Variants in SCN10A observed in about 807,000 individuals in gnomAD.
SCN10A encodes the protein sodium voltage-gated channel alpha subunit 10.
Under a neutral mutation model 170.7 loss-of-function variants are expected in SCN10A, and 162 were observed. The observed-to-expected ratio is 0.95, with a 90% confidence interval of 0.84 to 1.08. The LOEUF (loss-of-function observed/expected upper bound fraction) is 1.08. Among genes scored for constraint, SCN10A ranks in the 50% least tolerant of loss-of-function variants. The pLI, the probability that SCN10A is intolerant of heterozygous loss-of-function variation, is 0.00. For missense variants in SCN10A, 2,527 were observed against 2,436.9 expected, an observed-to-expected ratio of 1.04 and a Z score of -0.78; for synonymous variants, 985 against 904.6, an observed-to-expected ratio of 1.09 and a Z score of -1.59.
chr3:38,782,918 G>A (rs529136771), intron 4 of SCN10A, among the ~76,000 whole-genome samples: 130 of 152,208 alleles, frequency 8.5e-4, no homozygotes, highest in African/African-American at 3.1e-3. Context: ...TAGACTGGGT[G>A]GCTTATGCAA....
intron 1 of SCN10A, among the ~76,000 whole-genome samples, chr3:38,803,748 T>C (rs1423910125): frequency 2.0e-5 from 3 of 152,044 alleles, no homozygotes; most frequent in African/African-American, 4.8e-5. Context: ...TGTATACATA[T>C]GTAACAAACC....
chr3:38,722,412 C>G lies in SCN10A; in HGVS notation c.3353G>C (p.Gly1118Ala), dbSNP rs868030985. The change falls in exon 20 of 28, where the codon GGA becomes GCA. Residue 1118 changes from glycine to alanine, a missense_variant and splice_region_variant. Transcript: ENST00000449082. ...GCAGCAGGGACAGTGGCGAATGCAT[C>G]CTGTGGGGAGAGGTGACTGATGGTG... is the stretch of plus-strand genomic sequence containing the variant. ...LEEPDDCFTE[G>A]CIRHCPCCKL... 1 of 1,613,048 alleles carries G rather than the reference C, an allele frequency of 6.2e-7. No individual in the cohort carries two copies. Among genetic ancestry groups the G allele is most frequent in the Non-Finnish European group, 8.5e-7 (1 of 1,179,526 alleles).
intron 1 of SCN10A, among the ~76,000 whole-genome samples, chr3:38,813,793 T>C (rs1490793528): frequency 6.6e-6 from 1 of 152,174 alleles, no homozygotes; most frequent in Non-Finnish European, 1.5e-5. Flanking sequence ...TAAGGACAAA[T>C]ATTAATAGTT....
intron 1 of SCN10A, among the ~76,000 whole-genome samples, chr3:38,795,245 C>T (rs775298771): frequency 9.2e-5 from 14 of 152,058 alleles, no homozygotes; most frequent in Admixed American, 5.2e-4. Context: ...CCTCCTATCT[C>T]ACTAAAATGC....
intron 5 of SCN10A, among the ~76,000 whole-genome samples, chr3:38,768,826 A>G (rs2063964635): frequency 6.6e-6 from 1 of 152,184 alleles, no homozygotes; most frequent in South Asian, 2.1e-4. Context: ...AGTTTTCCTC[A>G]ATTATTCCCT....
chr3:38,751,753 T>A (rs150729991), intron 12 of SCN10A, among the ~76,000 whole-genome samples: 129 of 152,326 alleles, frequency 8.5e-4, no homozygotes, highest in Middle Eastern at 3.4e-3. Flanking sequence ...CTTCTGTGAG[T>A]AAAGCAAGGA....
intron 15 of SCN10A, among the ~76,000 whole-genome samples, chr3:38,737,108 C>T (rs2063573416): frequency 6.7e-6 from 1 of 149,266 alleles, no homozygotes; most frequent in Non-Finnish European, 1.5e-5. Context: ...GTAGCTGGGA[C>T]TACAGGCGCC....
intron 1 of SCN10A, among the ~76,000 whole-genome samples, chr3:38,808,065 C>G (rs778493111): frequency 3.9e-5 from 6 of 152,162 alleles, no homozygotes; most frequent in Non-Finnish European, 2.9e-5. Context: ...TCACATTCAC[C>G]CCGTGTGAAT....
Position 38,809,943 on chromosome 3 carries a change from A to G in SCN10A, c.-33+6094T>C, listed in dbSNP as rs539758610. On this transcript the variant is annotated intron_variant, in intron 1 of 27. Coordinates refer to ENST00000449082, the MANE Select transcript of SCN10A (RefSeq NM_006514.4). ...TTAGAGAAGCTAGTGAAGGCTTCCTAGGAAGCTGTAGGTAGAGTGTTTTTA... is the reference window on the plus strand; with the variant it reads ...TTAGAGAAGCTAGTGAAGGCTTCCTGGGAAGCTGTAGGTAGAGTGTTTTTA... Among the ~76,000 whole-genome samples the G allele has an allele frequency of 3.3e-5, 5 of 152,292 alleles. No homozygotes were observed. The South Asian group carries it at 6.2e-4, about 19-fold the overall frequency.
intron 11 of SCN10A, among the ~76,000 whole-genome samples, chr3:38,755,340 C>CACTCTAGA (rs2063791912): frequency 6.6e-6 from 1 of 151,932 alleles, no homozygotes; most frequent in Non-Finnish European, 1.5e-5. Context: ...GGGAACCTTG[C>CACTCTAGA]ACTCTAGAAC....
chr3:38,697,615 G>A lies in SCN10A; in HGVS notation c.5605C>T (p.Arg1869Cys), dbSNP rs141648641. 5.3e-4 allele frequency: 859 copies of A among 1,614,112 alleles called. 9 individuals are homozygous for A. Among genetic ancestry groups the A allele is most frequent in the East Asian group, 1.5e-3 (66 of 44,874 alleles). Residue 1869 changes from arginine (R) to cysteine (C), a missense_variant, in exon 28 of 28, where the codon CGC (arginine) becomes TGC (cysteine). Arg to Cys is a radical substitution (Grantham distance 180, BLOSUM62 -3). Transcript: ENST00000449082. ...GGGGTGTTAGAGAGTGCCATGGAGCGGTGCAGCACATAGCTCCGATAGGCC... is the reference window on the plus strand; with the variant it reads ...GGGGTGTTAGAGAGTGCCATGGAGCAGTGCAGCACATAGCTCCGATAGGCC... ...QKAYRSYVLH[R>C]SMALSNTPCV...
chr3:38,736,484 A>G (rs1353978332), intron 15 of SCN10A, among the ~76,000 whole-genome samples: 1 of 151,902 alleles, frequency 6.6e-6, no homozygotes, highest in Non-Finnish European at 1.5e-5. Flanking sequence ...TCCTGAAAAT[A>G]AAGTCTATTA....
At chr3:38,771,997 A>G (rs1177464974) in intron 4 of SCN10A, among the ~76,000 whole-genome samples, 1 of 152,242 alleles carries the variant, frequency 6.6e-6, no homozygotes, top group Admixed American at 6.5e-5. Context: ...TACAGGAACC[A>G]GTTGAGCTTT....
chr3:38,726,595 A>G lies in SCN10A; in HGVS notation c.3087+11T>C. 1.3e-6 allele frequency: 2 copies of G among 1,559,236 alleles called. No homozygotes were observed. The highest frequency in any genetic ancestry group is 1.7e-6 in the Non-Finnish European group (2 of 1,145,504). ...CACTGCCTGTGGCTGTCCCTTGGGG[A>G]TAACTCTTACCTGTCCTTTGGGGAT... is the stretch of plus-strand genomic sequence containing the variant. On this transcript the variant is annotated intron_variant, in intron 17 of 27. Transcript: ENST00000449082.
chr3:38,698,573 A>G lies in SCN10A; in HGVS notation c.4658-11T>C, dbSNP rs1176365840. The G allele has an allele frequency of 6.2e-7, 1 of 1,608,214 alleles. No individual in the cohort carries two copies. Among genetic ancestry groups the G allele is most frequent in the Non-Finnish European group, 8.5e-7 (1 of 1,175,334 alleles). On this transcript the variant is annotated splice_polypyrimidine_tract_variant and intron_variant, in intron 27 of 27. Coordinates refer to ENST00000449082, the MANE Select transcript of SCN10A (RefSeq NM_006514.4). Reference sequence around the variant, plus strand: ...CAGAAAAAATCAGGCCTTTAAAAGAAGGAAGAAATTATCTAATTAGTATCT... The same window carrying G: ...CAGAAAAAATCAGGCCTTTAAAAGAGGGAAGAAATTATCTAATTAGTATCT...
At position 38,698,442 on chromosome 3, in the gene SCN10A, AT is replaced by A; in HGVS notation, c.4777del (p.Ile1593SerfsTer9). On this transcript the variant is annotated frameshift_variant, in exon 28 of 28. Coordinates refer to ENST00000449082, the MANE Select transcript of SCN10A (RefSeq NM_006514.4). LOFTEE classifies it high-confidence loss of function. ...ILRLIRAAKG[I>X]RTLLFALMMS... The stretch of plus-strand genomic sequence containing the variant: ...CATGAGGGCAAAGAGCAGTGTGCGG[AT>A]CCCCTTGGCCGCTCGGATCAGTCTG... 3 of 1,614,194 alleles carry A rather than the reference AT, an allele frequency of 1.9e-6. No individual in the cohort carries two copies. The highest frequency in any genetic ancestry group is 2.5e-6 in the Non-Finnish European group (3 of 1,180,022).
chr3:38,751,506 A>G (rs966150541), intron 12 of SCN10A, among the ~76,000 whole-genome samples: 6 of 152,174 alleles, frequency 3.9e-5, no homozygotes, highest in African/African-American at 9.7e-5. Flanking sequence ...GGAACCATTT[A>G]TTGGTCTCTT....
chr3:38,698,894 C>A (rs1235611088), intron 27 of SCN10A, among the ~76,000 whole-genome samples: 2 of 152,212 alleles, frequency 1.3e-5, no homozygotes, highest in African/African-American at 4.8e-5. Flanking sequence ...GTTTATTCCA[C>A]AGGCTCACAG....
chr3:38,736,776 C>G (rs963057786), intron 15 of SCN10A, among the ~76,000 whole-genome samples: 2 of 151,830 alleles, frequency 1.3e-5, no homozygotes, highest in African/African-American at 4.8e-5. Flanking sequence ...GAGCACTGAT[C>G]AGCATGTTAA....
Sources: gnomAD v4.1 joint callset for allele counts (sites outside exome capture counted in the v4.1 genomes callset) on GRCh38, gnomAD v4.1.1 for gene constraint, MANE v1.5 for transcripts, NCBI Gene and HGNC (gene_info 2026-07-23, HGNC 2026-07-21) for gene names.